The following MIS18A variants were observed in gnomAD, a reference collection of about 807,000 sequenced individuals.
MIS18A encodes MIS18 kinetochore protein A, also known as protein Mis18-alpha.
Under a neutral mutation model 25.0 loss-of-function variants are expected in MIS18A, and 14 were observed. The ratio of observed to expected loss-of-function variants is 0.56; its 90% CI spans 0.37 to 0.88. The LOEUF is 0.88. Among genes scored for constraint, MIS18A ranks in the 40% least tolerant of loss-of-function variants. The pLI is 0.00. For missense variants in MIS18A, 292 were observed against 290.8 expected (o/e 1.00, Z -0.03); for synonymous variants, 134 against 118.6 (o/e 1.13, Z -0.84).
the MIS18A span, among the ~76,000 whole-genome samples, chr21:32,164,039 G>A: frequency 6.6e-6 from 1 of 152,086 alleles, no homozygotes; most frequent in Non-Finnish European, 1.5e-5. Flanking sequence ...AGCAGTACTT[G>A]TGAGAACTAA....
the MIS18A span, among the ~76,000 whole-genome samples, chr21:32,256,126 A>G: frequency 6.6e-6 from 1 of 152,264 alleles, no homozygotes; most frequent in Non-Finnish European, 1.5e-5. Flanking sequence ...GATGTCTACT[A>G]TGTTGGGATT....
chr21:32,226,064 G>T, the MIS18A span, among the ~76,000 whole-genome samples: 1 of 117,132 alleles, frequency 8.5e-6, no homozygotes, highest in Non-Finnish European at 1.7e-5. Flanking sequence ...CTCACTCATA[G>T]GTGGGAATTG....
At chr21:32,199,146 A>G in the MIS18A span, among the ~76,000 whole-genome samples, 1 of 152,178 alleles carries the variant, frequency 6.6e-6, no homozygotes, top group Non-Finnish European at 1.5e-5. Context: ...CAACGGGAAC[A>G]TATTTTATAT....
chr21:32,266,860 G>A (rs1204933041), downstream of MIS18A, among the ~76,000 whole-genome samples: 1 of 151,996 alleles, frequency 6.6e-6, no homozygotes, highest in East Asian at 1.9e-4. Context: ...GCTTCCCCAG[G>A]GCTCATTTAC....
chr21:32,161,844 A>G, the MIS18A span, among the ~76,000 whole-genome samples: 1 of 151,700 alleles, frequency 6.6e-6, no homozygotes, highest in Non-Finnish European at 1.5e-5. Flanking sequence ...CCAGTAAGAA[A>G]ATACATTCAG....
the MIS18A span, among the ~76,000 whole-genome samples, chr21:32,157,606 C>G: frequency 6.6e-6 from 1 of 152,004 alleles, no homozygotes; most frequent in Non-Finnish European, 1.5e-5. Flanking sequence ...ACATGACACC[C>G]TTTGGTTTTA....
At chr21:32,234,575 T>A in the MIS18A span, among the ~76,000 whole-genome samples, 5 of 152,148 alleles carry the variant, frequency 3.3e-5, no homozygotes, top group Admixed American at 2.0e-4. Context: ...TGAAATATAA[T>A]CCCCAATGTT....
the MIS18A span, among the ~76,000 whole-genome samples, chr21:32,258,834 TTTTATTTATTTATTTATTTA>T: frequency 1.8e-4 from 26 of 140,908 alleles, no homozygotes; most frequent in Non-Finnish European, 2.6e-4. Context: ...AGGGTCTGCA[TTTTATTTATTTATTTATTTA>T]TTTATTTATT....
At chr21:32,185,866 G>A in the MIS18A span, among the ~76,000 whole-genome samples, 13 of 152,198 alleles carry the variant, frequency 8.5e-5, no homozygotes, top group Admixed American at 4.6e-4. Flanking sequence ...ACCATGCACC[G>A]CCACATCGTA....
chr21:32,167,988 T>C, the MIS18A span, among the ~76,000 whole-genome samples: 1 of 152,188 alleles, frequency 6.6e-6, no homozygotes, highest in Admixed American at 6.5e-5. Flanking sequence ...TAGTTCCCAA[T>C]GAATGATGTT....
Position 32,278,790 on chromosome 21 carries a change from A to G in MIS18A, c.225T>C (p.Ala75=), listed in dbSNP as rs746090152. The G allele has an allele frequency of 1.3e-6, 2 of 1,584,122 alleles. No homozygotes were observed. Among genetic ancestry groups the G allele is most frequent in the Non-Finnish European group, 1.7e-6 (2 of 1,169,306 alleles). The change falls in exon 1 of 5, where the codon GCT becomes GCC. Residue 75 remains alanine, a synonymous_variant. Transcript: ENST00000290130. The part of the protein sequence containing the change: ...ERAQLEEEAA[A]AEERPLVFLC... ...GGAACACCAGCGGCCTCTCCTCCGC[A>G]GCCGCCGCCTCCTCCTCCAGCTGCG...
chr21:32,167,322 C>G, the MIS18A span, among the ~76,000 whole-genome samples: 1 of 152,058 alleles, frequency 6.6e-6, no homozygotes, highest in Non-Finnish European at 1.5e-5. Flanking sequence ...AATAGACTTA[C>G]AGGTTCCCAT....
chr21:32,218,396 T>C, the MIS18A span, among the ~76,000 whole-genome samples: 2 of 152,140 alleles, frequency 1.3e-5, 1 homozygote, highest in South Asian at 4.1e-4. Context: ...AGAATAAATG[T>C]ATTCTTCTTT....
chr21:32,239,792 C>T, the MIS18A span, among the ~76,000 whole-genome samples: 1 of 152,196 alleles, frequency 6.6e-6, no homozygotes, highest in Admixed American at 6.5e-5. Flanking sequence ...GAAGCTCAAA[C>T]TCTATTTAGC....
chr21:32,276,807 A>T (rs560723497), intron 1 of MIS18A, among the ~76,000 whole-genome samples: 9 of 152,248 alleles, frequency 5.9e-5, no homozygotes, highest in African/African-American at 2.2e-4. Flanking sequence ...GTGTATCTGT[A>T]GTCCCAAGCT....
the MIS18A span, among the ~76,000 whole-genome samples, chr21:32,162,279 G>A: frequency 4.6e-5 from 7 of 151,998 alleles, no homozygotes; most frequent in Non-Finnish European, 8.8e-5. Context: ...CCTGCCCTAC[G>A]CACCCTCACT....
intron 1 of MIS18A, among the ~76,000 whole-genome samples, chr21:32,277,572 C>T (rs1183244519): frequency 1.3e-5 from 2 of 152,208 alleles, no homozygotes; most frequent in African/African-American, 2.4e-5. Context: ...CCTGCCTCAG[C>T]CTCCGGAGTG....
chr21:32,221,051 C>T, the MIS18A span, among the ~76,000 whole-genome samples: 1 of 152,090 alleles, frequency 6.6e-6, no homozygotes, highest in Admixed American at 6.6e-5. Flanking sequence ...AGTTGGAAAA[C>T]ATACTTCAGG....
the MIS18A span, among the ~76,000 whole-genome samples, chr21:32,160,725 G>A: frequency 0.098 from 14,848 of 151,796 alleles, 1,031 homozygotes; most frequent in African/African-American, 0.19. Context: ...TCCGCTTCCC[G>A]GGTTCAAGAG....
Sources: allele counts gnomAD v4.1 joint callset (sites outside exome capture counted in the v4.1 genomes callset), GRCh38; gene constraint gnomAD v4.1.1; transcripts MANE v1.5; gene names NCBI Gene and HGNC (gene_info 2026-07-23, HGNC 2026-07-21).